Variants in EFCAB8 observed in about 807,000 individuals in gnomAD.
EFCAB8 encodes EF-hand calcium binding domain 8.
In EFCAB8, 100 loss-of-function variants were observed where a neutral mutation model predicts 116.3. That is an observed-to-expected ratio of 0.86 (90% CI 0.73 to 1.02). The LOEUF (loss-of-function observed/expected upper bound fraction) is 1.02. Among genes scored for constraint, EFCAB8 ranks in the 50% least tolerant of loss-of-function variants. EFCAB8 has a pLI of 0.00. For synonymous variants in EFCAB8, 558 were observed against 567.9 expected, an observed-to-expected ratio of 0.98 and a Z score of 0.25; for missense variants, 1,320 against 1,416.9, an observed-to-expected ratio of 0.93 and a Z score of 1.10.
chr20:32,917,359 G>A lies in EFCAB8; in HGVS notation c.1915G>A (p.Asp639Asn). 1 of 1,551,718 alleles carries A rather than the reference G, an allele frequency of 6.4e-7. No homozygotes were observed. Among genetic ancestry groups the A allele is most frequent in the Non-Finnish European group, 8.7e-7 (1 of 1,146,978 alleles). The change falls in exon 18 of 27, where the codon GAC (aspartate) becomes AAC (asparagine). Residue 639 changes from aspartate to asparagine, a missense_variant. Physicochemically the swap from Asp to Asn is conservative, Grantham distance 23 (BLOSUM62 1). Transcript: ENST00000400522. ...CYHWQTYHTE[D>N]ILSMAKYRNQ... Reference sequence around the variant, plus strand: ...CCACTGGCAGACCTACCACACGGAGGACATCCTGAGCATGGCCAAGTACCG... The same window carrying A: ...CCACTGGCAGACCTACCACACGGAGAACATCCTGAGCATGGCCAAGTACCG...
intron 11 of EFCAB8, among the ~76,000 whole-genome samples, chr20:32,902,193 G>C (rs887155607): frequency 1.3e-5 from 2 of 152,102 alleles, no homozygotes; most frequent in African/African-American, 4.8e-5. Context: ...GCAGAGAACT[G>C]GTGTGGTCTG....
At chr20:32,887,936 C>G (rs900321560) in intron 6 of EFCAB8, among the ~76,000 whole-genome samples, 31 of 152,212 alleles carry the variant, frequency 2.0e-4, no homozygotes, top group Admixed American at 2.0e-3. Flanking sequence ...AGGATTCAGA[C>G]CTATGGAGGG....
rs1264175291 is a variant in EFCAB8 at position 32,889,364 on chromosome 20, A to G, written c.631A>G (p.Asn211Asp). The change falls in exon 7 of 27, where the codon AAT becomes GAT. Residue 211 changes from asparagine (N) to aspartate (D), a missense_variant. Coordinates refer to ENST00000400522, the MANE Select transcript of EFCAB8 (RefSeq NM_001143967.2). The part of the protein sequence containing the change: ...MWVIDMVCLH[N>D]MNLVAVASTR... The stretch of plus-strand genomic sequence containing the variant: ...GGTCATTGACATGGTATGTCTGCAC[A>G]ATATGAACCTCGTTGCAGTTGCGTC... The G allele has an allele frequency of 6.4e-7, 1 of 1,551,872 alleles. No individual in the cohort carries two copies. The highest frequency in any genetic ancestry group is 1.4e-5 in the African/African-American group (1 of 73,152).
chr20:32,938,798 C>G (rs969393020), intron 22 of EFCAB8, among the ~76,000 whole-genome samples: 2 of 149,818 alleles, frequency 1.3e-5, no homozygotes, highest in Non-Finnish European at 3.0e-5. Flanking sequence ...GGAAATACAT[C>G]TCATGTTCAT....
At chr20:32,908,046 G>T (rs566246013) in intron 13 of EFCAB8, among the ~76,000 whole-genome samples, 3 of 152,210 alleles carry the variant, frequency 2.0e-5, no homozygotes, top group Non-Finnish European at 2.9e-5. Flanking sequence ...GGCAGGCTGG[G>T]GGTGGAGCTG....
At chr20:32,958,126 A>G (rs960106746) in intron 23 of EFCAB8, among the ~76,000 whole-genome samples, 2 of 152,080 alleles carry the variant, frequency 1.3e-5, no homozygotes, top group Non-Finnish European at 2.9e-5. Flanking sequence ...CTGAAGCCCA[A>G]CTGAGGATCA....
rs1438108124 is a variant in EFCAB8 at position 32,960,082 on chromosome 20, C to T, written c.3314C>T (p.Ala1105Val). The T allele has an allele frequency of 3.5e-5, 54 of 1,551,546 alleles. No individual in the cohort carries two copies. The highest frequency in any genetic ancestry group is 8.3e-5 in the South Asian group (7 of 84,062). The change falls in exon 26 of 27, where the codon GCG (alanine) becomes GTG (valine). Residue 1105 changes from alanine to valine, a missense_variant. Transcript: ENST00000400522. ...CTGCAGGTGAGCAAAGTCTTGGGAG[C>T]GGCGTATAAGCCCAAGGAACGCTTG... is the stretch of plus-strand genomic sequence containing the variant. ...RDKQVSKVLGAAYKPKERLQN... is the reference protein window; with the variant it reads ...RDKQVSKVLGVAYKPKERLQN...
At chr20:32,869,711 A>T (rs1202397785) in intron 3 of EFCAB8, among the ~76,000 whole-genome samples, 1 of 152,054 alleles carries the variant, frequency 6.6e-6, no homozygotes, top group African/African-American at 2.4e-5. Flanking sequence ...GGGGCTGCTT[A>T]AGTCTCTCTA....
At chr20:32,959,656 G>A (rs1989078134) in intron 24 of EFCAB8, 122 bp from the exon 25 acceptor site, 3 of 723,790 alleles carry the variant, frequency 4.1e-6, no homozygotes, top group African/African-American at 1.8e-5. Flanking sequence ...AGTCTGGCCT[G>A]AGGGAGGGAT....
At position 32,930,431 on chromosome 20, in the gene EFCAB8, C is replaced by T; in HGVS notation, c.2446C>T (p.His816Tyr). Residue 816 changes from histidine to tyrosine, a missense_variant, in exon 21 of 27, where the codon CAC (histidine) becomes TAC (tyrosine). His to Tyr is a moderately conservative substitution (Grantham distance 83). Coordinates refer to ENST00000400522, the MANE Select transcript of EFCAB8 (RefSeq NM_001143967.2). ...IFLQTRPRLP[H>Y]TAALLSSCMD... ...CCTGCAGACCAGGCCTCGCCTGCCG[C>T]ACACGGCTGCCCTGCTGAGCAGCTG... is the stretch of plus-strand genomic sequence containing the variant. 1.3e-6 allele frequency: 2 copies of T among 1,551,686 alleles called. No homozygotes were observed. The highest frequency in any genetic ancestry group is 1.7e-6 in the Non-Finnish European group (2 of 1,147,030).
At chr20:32,930,317 G>A (rs1197180229) in intron 20 of EFCAB8, 81 bp from the exon 21 acceptor site, 1 of 1,203,166 alleles carries the variant, frequency 8.3e-7, no homozygotes, top group Non-Finnish European at 1.2e-6. Context: ...CCAGGTGGGT[G>A]TGGTGACTTG....
At chr20:32,955,464 C>T (rs550750564) in intron 23 of EFCAB8, among the ~76,000 whole-genome samples, 1 of 152,266 alleles carries the variant, frequency 6.6e-6, no homozygotes, top group Admixed American at 6.5e-5. Flanking sequence ...CGCTAGAGCC[C>T]AGGTGTTTGA....
intron 5 of EFCAB8, among the ~76,000 whole-genome samples, chr20:32,881,047 C>G (rs1178904318): frequency 6.6e-6 from 1 of 152,198 alleles, no homozygotes; most frequent in Non-Finnish European, 1.5e-5. Context: ...TCCCATCCAT[C>G]ATAGTATATG....
intron 1 of EFCAB8, among the ~76,000 whole-genome samples, chr20:32,863,096 G>A (rs1436486782): frequency 6.6e-6 from 1 of 151,722 alleles, no homozygotes; most frequent in East Asian, 1.9e-4. Context: ...TGGCTCAGTT[G>A]GTCTGCCCCC....
At chr20:32,957,986 G>A (rs1354289187) in intron 23 of EFCAB8, among the ~76,000 whole-genome samples, 1 of 152,004 alleles carries the variant, frequency 6.6e-6, no homozygotes, top group Non-Finnish European at 1.5e-5. Flanking sequence ...CTCTGCCCAG[G>A]AGCAGGACTT....
chr20:32,880,412 A>G (rs1233850728), intron 5 of EFCAB8, among the ~76,000 whole-genome samples: 1 of 151,948 alleles, frequency 6.6e-6, no homozygotes, highest in Non-Finnish European at 1.5e-5. Flanking sequence ...GGGATTACGA[A>G]CGCCTGCCAC....
At position 32,896,308 on chromosome 20, in the gene EFCAB8, CAGTG is replaced by C. The variant is rs1368747921; in HGVS notation, c.884-143_884-140del. ...GCACTCCGCTCAGCTCACCAGGACA[CAGTG>C]AGGTGCCAGTGAGGGTTTGGGTGGA... On this transcript the variant is annotated intron_variant, in intron 9 of 26. Coordinates refer to ENST00000400522, the MANE Select transcript of EFCAB8 (RefSeq NM_001143967.2). 2.4e-5 allele frequency: 15 copies of C among 626,268 alleles called. No individual in the cohort carries two copies. In the Middle Eastern group the frequency reaches 2.1e-3, roughly 87 times the overall value. The allele number at this position is 626,268 out of a possible 1,614,324, so 38.8% of individuals were successfully genotyped here.
At chr20:32,958,592 G>A (rs1257595263) in intron 24 of EFCAB8, 42 bp downstream of exon 24, 2 of 413,556 alleles carry the variant, frequency 4.8e-6, no homozygotes, top group African/African-American at 4.1e-5. Flanking sequence ...GGCCTGAGGA[G>A]GGAGAGGCTG....
At chr20:32,951,417 G>A (rs926070379) in intron 23 of EFCAB8, among the ~76,000 whole-genome samples, 3 of 152,188 alleles carry the variant, frequency 2.0e-5, no homozygotes, top group South Asian at 2.1e-4. Flanking sequence ...GAAGCCAGAC[G>A]AAAACCTGTA....
Sources: gnomAD v4.1 joint callset for allele counts (sites outside exome capture counted in the v4.1 genomes callset) on GRCh38, gnomAD v4.1.1 for gene constraint, MANE v1.5 for transcripts, NCBI Gene and HGNC (gene_info 2026-07-23, HGNC 2026-07-21) for gene names.